Variants in ZSCAN5A observed in about 807,000 individuals in gnomAD.
ZSCAN5A encodes zinc finger and SCAN domain containing 5A, also known as zinc finger and SCAN domain-containing protein 5A.
ZSCAN5A carries 12 observed loss-of-function variants against 23.7 expected under a neutral mutation model. That is an observed-to-expected ratio of 0.51 (90% CI 0.32 to 0.82). The LOEUF (loss-of-function observed/expected upper bound fraction) is 0.82, where lower values mean the gene tolerates loss of function less well. ZSCAN5A is among the 40% of genes least tolerant of loss of function. The probability of loss-of-function intolerance (pLI) is 0.03; values close to 1 mark genes in which losing one functional copy is unlikely to be tolerated. For missense variants in ZSCAN5A, 597 were observed against 617.9 expected, an observed-to-expected ratio of 0.97 and a Z score of 0.36; for synonymous variants, 257 against 239.9, an observed-to-expected ratio of 1.07 and a Z score of -0.66.
In ZSCAN5A at chr19:56,281,841, C is replaced by A. The variant is rs377633680; in HGVS notation, c.-128+31442G>T. The A allele has an allele frequency of 2.8e-4, 91 of 319,408 alleles. 1 individual carries two copies. In the South Asian group the frequency reaches 0.01, roughly 36 times the overall value. 19.8% of individuals were successfully genotyped at this position (319,408 alleles called of 1,614,324 possible). A position where few individuals can be genotyped will look rare whatever the true frequency, so the allele number is the denominator to read the frequency against. ...TCAGATGTCCTCAATTCAAACATGA[C>A]CTCTTCACCCAGAATCTGCAGATTG... On this transcript the variant is annotated intron_variant, in intron 2 of 5. Coordinates refer to ENST00000683990, the MANE Select transcript of ZSCAN5A (RefSeq NM_001322064.3).
At chr19:56,244,137 A>C (rs762551895) in intron 2 of ZSCAN5A, 1 of 1,596,708 alleles carries the variant, frequency 6.3e-7, no homozygotes, top group African/African-American at 1.3e-5. Context: ...CCAGAAACTC[A>C]ACTTGGAAAT....
chr19:56,305,911 G>A (rs571926939), intron 2 of ZSCAN5A, among the ~76,000 whole-genome samples: 2 of 151,728 alleles, frequency 1.3e-5, no homozygotes, highest in African/African-American at 2.4e-5. Flanking sequence ...TGGCTTGTAC[G>A]AAGGCCCTGG....
At chr19:56,321,764 A>G in intron 2 of ZSCAN5A, 1 of 1,245,682 alleles carries the variant, frequency 8.0e-7, no homozygotes, top group East Asian at 2.3e-5. Context: ...ACTTCCTGCA[A>G]CCAAATCATA....
chr19:56,322,163 AC>A lies in ZSCAN5A; in HGVS notation c.-357-5896del, dbSNP rs1600280882. 9 of 789,248 alleles carry A rather than the reference AC, an allele frequency of 1.1e-5. No individual in the cohort carries two copies. In the East Asian group the frequency reaches 1.9e-4, roughly 17 times the overall value. The allele number at this position is 789,248 out of a possible 1,614,324, so 48.9% of individuals were successfully genotyped here. ...GTCTCTGGAAGGAGGCTCCCTGTTA[AC>A]AGGTTCTGAAATGCAGTCTGCTGCT... is the stretch of plus-strand genomic sequence containing the variant. On this transcript the variant is annotated intron_variant, in intron 2 of 6. Transcript: ENST00000587340.
chr19:56,249,852 CT>C (rs2146725205), intron 2 of ZSCAN5A, among the ~76,000 whole-genome samples: 1 of 152,206 alleles, frequency 6.6e-6, no homozygotes, highest in East Asian at 1.9e-4. Flanking sequence ...TCAGATTTTA[CT>C]TGTTTTAAAT....
chr19:56,259,412 G>A (rs766946659), intron 2 of ZSCAN5A, among the ~76,000 whole-genome samples: 6 of 152,064 alleles, frequency 3.9e-5, no homozygotes, highest in Non-Finnish European at 7.3e-5. Context: ...ACCCTCGTAC[G>A]ATTTCCCTGG....
intron 2 of ZSCAN5A, among the ~76,000 whole-genome samples, chr19:56,302,659 CTG>C (rs1248688658): frequency 8.4e-6 from 1 of 119,508 alleles, no homozygotes; most frequent in Non-Finnish European, 1.8e-5. Flanking sequence ...CCCCCCCTCC[CTG>C]TTCTTTCCTT....
chr19:56,326,002 C>T (rs980632438), intron 2 of ZSCAN5A, among the ~76,000 whole-genome samples: 3 of 151,432 alleles, frequency 2.0e-5, no homozygotes, highest in Admixed American at 6.6e-5. Flanking sequence ...GTGTGATCTC[C>T]GCTCACTGCA....
At chr19:56,319,286 AG>A (rs1302082856), upstream of ZSCAN5A, among the ~76,000 whole-genome samples, 1 of 152,042 alleles carries the variant, frequency 6.6e-6, no homozygotes, top group Non-Finnish European at 1.5e-5. Context: ...TCACGAGGTC[AG>A]GAGTTTGAGA....
chr19:56,362,222 T>C (rs2041738415), intron 2 of ZSCAN5A, among the ~76,000 whole-genome samples: 1 of 152,008 alleles, frequency 6.6e-6, no homozygotes, highest in South Asian at 2.1e-4. Flanking sequence ...TTAATAAATA[T>C]TGTACCCATG....
intron 2 of ZSCAN5A, among the ~76,000 whole-genome samples, chr19:56,288,668 C>T (rs948292593): frequency 2.0e-5 from 3 of 152,148 alleles, no homozygotes; most frequent in Non-Finnish European, 4.4e-5. Context: ...TGTTAGAAGG[C>T]GTGACTGAGT....
intron 2 of ZSCAN5A, among the ~76,000 whole-genome samples, chr19:56,268,670 T>C (rs2037636296): frequency 1.3e-5 from 2 of 152,168 alleles, no homozygotes; most frequent in Admixed American, 1.3e-4. Context: ...CCATTTTAAG[T>C]GTACAATTCA....
rs1231169189 is a variant in ZSCAN5A at position 56,222,670 on chromosome 19, G to A, written c.660C>T (p.Thr220=). Residue 220 remains threonine, a synonymous_variant, in exon 5 of 6, where the codon ACC becomes ACT. Transcript: ENST00000683990. Reference sequence around the variant, plus strand: ...TGTTTTCCTTCAGATCCTTCTCCAAGGTCTGCTTGGGTCTCAGAGACTTTG... The same window carrying A: ...TGTTTTCCTTCAGATCCTTCTCCAAAGTCTGCTTGGGTCTCAGAGACTTTG... The part of the protein sequence containing the change: ...GDPKSLRPKQ[T]LEKDLKENRE... 14 of 1,614,152 alleles carry A rather than the reference G, an allele frequency of 8.7e-6. No individual in the cohort carries two copies. The highest frequency in any genetic ancestry group is 1.2e-5 in the Non-Finnish European group (14 of 1,180,038).
chr19:56,222,531 C>T (rs2033372098), intron 5 of ZSCAN5A, 60 bp downstream of exon 5: 3 of 1,585,120 alleles, frequency 1.9e-6, no homozygotes, highest in Non-Finnish European at 8.6e-7. Flanking sequence ...TGCTGGGCCC[C>T]CAGCCCCGCA....
intron 2 of ZSCAN5A, chr19:56,272,945 T>C (rs1335912979): frequency 7.3e-6 from 7 of 958,220 alleles, no homozygotes; most frequent in Non-Finnish European, 7.5e-6. Flanking sequence ...ATGCCTTGTG[T>C]CCTCTATGTA....
At chr19:56,310,591 C>T (rs1443864161) in intron 2 of ZSCAN5A, 3 of 152,238 alleles carry the variant, frequency 2.0e-5, no homozygotes, top group African/African-American at 2.4e-5. Flanking sequence ...ACCGATGGCT[C>T]GTCCAACATC....
intron 2 of ZSCAN5A, among the ~76,000 whole-genome samples, chr19:56,356,564 G>C (rs535975167): frequency 6.8e-6 from 1 of 147,946 alleles, no homozygotes; most frequent in Non-Finnish European, 1.5e-5. Flanking sequence ...GGGTGGGGAC[G>C]GGGGCGCTAC....
chr19:56,302,583 CTTTTCTTCCTCTCCCT>C (rs1372447915), intron 2 of ZSCAN5A, among the ~76,000 whole-genome samples: 1 of 59,240 alleles, frequency 1.7e-5, no homozygotes, highest in Non-Finnish European at 2.8e-5. Flanking sequence ...CTTCCTCCCC[CTTTTCTTCCTCTCCCT>C]CTTCTTCCTC....
chr19:56,272,521 C>T (rs1300079585), intron 2 of ZSCAN5A, among the ~76,000 whole-genome samples: 1 of 152,104 alleles, frequency 6.6e-6, no homozygotes, highest in African/African-American at 2.4e-5. Flanking sequence ...AAAAAGGTAA[C>T]AATTACTCTT....
Sources: allele counts gnomAD v4.1 joint callset (sites outside exome capture counted in the v4.1 genomes callset), GRCh38; gene constraint gnomAD v4.1.1; transcripts MANE v1.5; gene names NCBI Gene and HGNC (gene_info 2026-07-23, HGNC 2026-07-21).